The following SUCLG2 variants were observed in gnomAD, a reference collection of about 807,000 sequenced individuals.
The protein encoded by SUCLG2 is succinate--CoA ligase [GDP-forming] subunit beta, mitochondrial.
Under a neutral mutation model 47.9 loss-of-function variants are expected in SUCLG2, and 42 were observed. The ratio of observed to expected loss-of-function variants is 0.88; its 90% confidence interval spans 0.69 to 1.14. The LOEUF (loss-of-function observed/expected upper bound fraction) is 1.14, where lower values mean the gene tolerates loss of function less well. Among genes scored for constraint, SUCLG2 ranks in the 50% most tolerant of loss-of-function variants. The pLI is 0.00. For missense variants in SUCLG2, 571 were observed against 525.9 expected, an observed-to-expected ratio of 1.09 and a Z score of -0.84; for synonymous variants, 195 against 197.3, an observed-to-expected ratio of 0.99 and a Z score of 0.10.
At chr3:67,473,340 T>C (rs1704651657) in intron 9 of SUCLG2, among the ~76,000 whole-genome samples, 1 of 152,178 alleles carries the variant, frequency 6.6e-6, no homozygotes. Flanking sequence ...TCCAAATCCT[T>C]TGTAATGACT....
chr3:67,547,727 A>G (rs1207956176), intron 2 of SUCLG2, among the ~76,000 whole-genome samples: 11 of 152,210 alleles, frequency 7.2e-5, no homozygotes, highest in Admixed American at 7.2e-4. Context: ...TCACGAATCA[A>G]CTAAATTAAC....
intron 1 of SUCLG2, among the ~76,000 whole-genome samples, chr3:67,622,209 T>A (rs943675652): frequency 5.3e-5 from 8 of 152,328 alleles, no homozygotes; most frequent in Admixed American, 5.2e-4. Flanking sequence ...TTGAAATATG[T>A]CAATGCAAAT....
intron 1 of SUCLG2, among the ~76,000 whole-genome samples, chr3:67,651,613 T>C (rs1701286986): frequency 6.6e-6 from 1 of 152,034 alleles, no homozygotes; most frequent in Admixed American, 6.5e-5. Flanking sequence ...AGGGTGGAGG[T>C]AGTGACAGGC....
At chr3:67,430,330 C>T (rs1703441478) in intron 9 of SUCLG2, among the ~76,000 whole-genome samples, 1 of 152,164 alleles carries the variant, frequency 6.6e-6, no homozygotes, top group East Asian at 1.9e-4. Flanking sequence ...GGAAACTGAA[C>T]AACCTGCTCC....
At chr3:67,589,756 A>T (rs1708109449) in intron 2 of SUCLG2, among the ~76,000 whole-genome samples, 1 of 152,186 alleles carries the variant, frequency 6.6e-6, no homozygotes, top group Non-Finnish European at 1.5e-5. Context: ...ACACATACTC[A>T]TGAGGCACCT....
chr3:67,420,274 C>T (rs1240507502), intron 9 of SUCLG2, among the ~76,000 whole-genome samples: 3 of 152,178 alleles, frequency 2.0e-5, no homozygotes, highest in Admixed American at 1.3e-4. Flanking sequence ...ACGTAATAAA[C>T]TGACTTTACT....
intron 10 of SUCLG2, among the ~76,000 whole-genome samples, chr3:67,396,003 C>T (rs542380278): frequency 9.0e-4 from 137 of 152,174 alleles, no homozygotes; most frequent in African/African-American, 3.1e-3. Context: ...ACCAGAATCT[C>T]TGGGACACAT....
chr3:67,398,340 C>T (rs145621048), intron 10 of SUCLG2, among the ~76,000 whole-genome samples: 13,272 of 150,466 alleles, frequency 0.088, 777 homozygotes, highest in East Asian at 0.15. Flanking sequence ...AACAAACAAC[C>T]CCATCAAAAA....
intron 1 of SUCLG2, among the ~76,000 whole-genome samples, chr3:67,637,680 C>T (rs1701032457): frequency 6.6e-6 from 1 of 152,204 alleles, no homozygotes; most frequent in Non-Finnish European, 1.5e-5. Context: ...AGTTCTTTAT[C>T]AGGATAATGG....
intron 9 of SUCLG2, among the ~76,000 whole-genome samples, chr3:67,421,016 A>T (rs1013826570): frequency 2.6e-5 from 4 of 152,160 alleles, no homozygotes; most frequent in African/African-American, 4.8e-5. Flanking sequence ...GTGAGGTGTA[A>T]TGCTAAGCAC....
downstream of SUCLG2, among the ~76,000 whole-genome samples, chr3:67,372,396 CTTT>C (rs3038299): frequency 6.6e-6 from 1 of 151,530 alleles, no homozygotes; most frequent in South Asian, 2.1e-4. Context: ...ACTGCAGTCA[CTTT>C]TTTTTTTCCT....
intron 10 of SUCLG2, among the ~76,000 whole-genome samples, chr3:67,395,004 A>C (rs183212063): frequency 0.12 from 17,828 of 152,132 alleles, 1,488 homozygotes; most frequent in Middle Eastern, 0.29. Context: ...GCCTGCCCTA[A>C]AAGATCTCCT....
At chr3:67,518,470 G>C in intron 5 of SUCLG2, 134 bp from the exon 6 acceptor site, 1 of 771,508 alleles carries the variant, frequency 1.3e-6, no homozygotes, top group South Asian at 2.0e-5. Flanking sequence ...TCTCTGAGCA[G>C]GGCTACCGCA....
chr3:67,570,846 C>A (rs1707588874), intron 2 of SUCLG2, among the ~76,000 whole-genome samples: 1 of 152,146 alleles, frequency 6.6e-6, no homozygotes, highest in African/African-American at 2.4e-5. Flanking sequence ...CATATCTTTT[C>A]CCTGTAATGT....
intron 8 of SUCLG2, 102 bp downstream of exon 8, chr3:67,498,032 T>A: frequency 5.5e-6 from 7 of 1,269,806 alleles, no homozygotes; most frequent in Non-Finnish European, 7.6e-6. Context: ...ACAAAAAAAC[T>A]TATGTGCTTA....
chr3:67,396,373 A>G (rs1160107337), intron 10 of SUCLG2, among the ~76,000 whole-genome samples: 3 of 152,120 alleles, frequency 2.0e-5, no homozygotes, highest in Non-Finnish European at 2.9e-5. Context: ...ACAAACTACC[A>G]TCAGAGAATA....
intron 1 of SUCLG2, among the ~76,000 whole-genome samples, chr3:67,654,243 C>A (rs1671532501): frequency 6.6e-6 from 1 of 152,248 alleles, no homozygotes; most frequent in African/African-American, 2.4e-5. Context: ...CATGAGTCTG[C>A]GCGGGCAGAC....
intron 4 of SUCLG2, among the ~76,000 whole-genome samples, chr3:67,523,870 T>C (rs1243146735): frequency 2.0e-5 from 3 of 152,178 alleles, no homozygotes; most frequent in Non-Finnish European, 4.4e-5. Flanking sequence ...AAATTATAAC[T>C]TTTTAGGATA....
chr3:67,616,712 G>T (rs1700636595), intron 1 of SUCLG2, among the ~76,000 whole-genome samples: 2 of 152,174 alleles, frequency 1.3e-5, no homozygotes, highest in South Asian at 4.1e-4. Context: ...CAAAGGGCTT[G>T]CCCCTTACTT....
Sources: gnomAD v4.1 joint callset for allele counts (sites outside exome capture counted in the v4.1 genomes callset) on GRCh38, gnomAD v4.1.1 for gene constraint, MANE v1.5 for transcripts, NCBI Gene and HGNC (gene_info 2026-07-23, HGNC 2026-07-21) for gene names.